Variants in SPART observed in about 807,000 individuals in gnomAD.
SPART encodes the protein spastic paraplegia 20 (Troyer syndrome).
In SPART, 35 loss-of-function variants were observed where a neutral mutation model predicts 58.7. The observed-to-expected ratio is 0.60, with a 90% CI of 0.46 to 0.79. The LOEUF (loss-of-function observed/expected upper bound fraction) is 0.79, where lower values mean the gene tolerates loss of function less well. Among genes scored for constraint, SPART ranks in the 30% least tolerant of loss-of-function variants. The probability of loss-of-function intolerance (pLI) is 0.00; values close to 1 mark genes in which losing one functional copy is unlikely to be tolerated. For synonymous variants in SPART, 284 were observed against 280.7 expected, an observed-to-expected ratio of 1.01 and a Z score of -0.12; for missense variants, 730 against 786.1, an observed-to-expected ratio of 0.93 and a Z score of 0.85.
intron 1 of SPART, among the ~76,000 whole-genome samples, chr13:36,339,614 A>G (rs899488236): frequency 1.6e-5 from 2 of 127,776 alleles, no homozygotes; most frequent in African/African-American, 5.9e-5. Context: ...CTGTTCACAG[A>G]GCACGACTCC....
chr13:36,335,068 C>G lies in SPART; in HGVS notation c.763G>C (p.Asp255His). Reference sequence around the variant, plus strand: ...TTTAGAACCGTATCGAGAGAATTATCCAAAAACCTCACAATTCGAAGGTAC... The same window carrying G: ...TTTAGAACCGTATCGAGAGAATTATGCAAAAACCTCACAATTCGAAGGTAC... Reference protein sequence around the residue: ...PGYLRIVRFLDNSLDTVLNRP... With the variant: ...PGYLRIVRFLHNSLDTVLNRP... The change falls in exon 2 of 9, where the codon GAT becomes CAT. Residue 255 changes from aspartate (D) to histidine (H), a missense_variant. Coordinates refer to ENST00000438666, the MANE Select transcript of SPART (RefSeq NM_015087.5). 1 of 1,614,076 alleles carries G rather than the reference C, an allele frequency of 6.2e-7. No homozygotes were observed. Among genetic ancestry groups the G allele is most frequent in the Non-Finnish European group, 8.5e-7 (1 of 1,179,998 alleles).
intron 1 of SPART, among the ~76,000 whole-genome samples, chr13:36,344,072 G>T (rs1232094814): frequency 1.3e-5 from 2 of 150,732 alleles, no homozygotes; most frequent in Non-Finnish European, 3.0e-5. Flanking sequence ...AAAGAAAAAT[G>T]AAAATGAAAA....
chr13:36,349,464 T>G (rs1419712607), upstream of SPART, among the ~76,000 whole-genome samples: 2 of 152,172 alleles, frequency 1.3e-5, no homozygotes, highest in Admixed American at 1.3e-4. Flanking sequence ...GGCACCATAT[T>G]GCTTTCTGTT....
At chr13:36,363,779 TTTTTTG>T (rs1301287949) in intron 1 of SPART, among the ~76,000 whole-genome samples, 3 of 151,646 alleles carry the variant, frequency 2.0e-5, no homozygotes, top group Admixed American at 6.6e-5. Context: ...GTTGTTGTTG[TTTTTTG>T]TTTTTGTTTT....
At chr13:36,344,641 C>T (rs985096211) in intron 1 of SPART, among the ~76,000 whole-genome samples, 2 of 152,064 alleles carry the variant, frequency 1.3e-5, no homozygotes, top group Non-Finnish European at 2.9e-5. Flanking sequence ...TCAGAAAATA[C>T]ATTTTACAGA....
Position 36,335,357 on chromosome 13 carries a change from A to G in SPART, c.474T>C (p.Ser158=). The G allele has an allele frequency of 6.2e-7, 1 of 1,614,154 alleles. No homozygotes were observed. Among genetic ancestry groups the G allele is most frequent in the Admixed American group, 1.7e-5 (1 of 60,000 alleles). ...PSAGAVAAPA[S]LSLPSQSCPA... ...GACAACTTTGTGATGGTAAAGACAG[A>G]GAAGCAGGTGCAGCAACTGCCCCTG... Residue 158 remains serine (S), a synonymous_variant, in exon 2 of 9, where the codon TCT becomes TCC. Transcript: ENST00000438666.
chr13:36,345,183 T>C (rs923829492), intron 1 of SPART, among the ~76,000 whole-genome samples: 1 of 152,170 alleles, frequency 6.6e-6, no homozygotes, highest in Non-Finnish European at 1.5e-5. Context: ...CTAACACCTG[T>C]ATACACCTCC....
At chr13:36,324,602 GT>G (rs1284821385) in intron 5 of SPART, among the ~76,000 whole-genome samples, 1 of 152,156 alleles carries the variant, frequency 6.6e-6, no homozygotes, top group Non-Finnish European at 1.5e-5. Flanking sequence ...AGAAACAAAT[GT>G]TTGTTGTTTT....
chr13:36,347,518 G>C (rs1056984546), upstream of SPART, among the ~76,000 whole-genome samples: 3 of 152,186 alleles, frequency 2.0e-5, no homozygotes, highest in Non-Finnish European at 2.9e-5. Flanking sequence ...TTCCCAAAGT[G>C]CTGGGATTAC....
chr13:36,368,735 G>C (rs1876962139), intron 1 of SPART, among the ~76,000 whole-genome samples: 2 of 152,172 alleles, frequency 1.3e-5, no homozygotes, highest in Non-Finnish European at 2.9e-5. Flanking sequence ...TGGGCGCAGT[G>C]GCTCACGCCT....
chr13:36,355,566 A>G (rs1309025366), intron 1 of SPART, among the ~76,000 whole-genome samples: 1 of 152,242 alleles, frequency 6.6e-6, no homozygotes, highest in Admixed American at 6.5e-5. Context: ...CTCCTACTAT[A>G]TATGTTACTT....
At chr13:36,361,104 T>C (rs1566149977) in intron 1 of SPART, among the ~76,000 whole-genome samples, 1 of 152,196 alleles carries the variant, frequency 6.6e-6, no homozygotes, top group Admixed American at 6.5e-5. Flanking sequence ...AATTTCAACA[T>C]TAATATAATG....
intron 4 of SPART, among the ~76,000 whole-genome samples, chr13:36,327,715 TGCTGGCTCA>T (rs1377377985): frequency 6.6e-6 from 1 of 152,196 alleles, no homozygotes; most frequent in Admixed American, 6.5e-5. Context: ...AGGGCAGGCA[TGCTGGCTCA>T]TGCCTGTAAT....
At chr13:36,315,558 T>G (rs1399404570) in intron 5 of SPART, among the ~76,000 whole-genome samples, 2 of 152,158 alleles carry the variant, frequency 1.3e-5, no homozygotes, top group African/African-American at 4.8e-5. Context: ...AATTAGAAAT[T>G]TTATGTTTCT....
At chr13:36,354,133 A>C (rs1405644127) in intron 1 of SPART, among the ~76,000 whole-genome samples, 2 of 152,238 alleles carry the variant, frequency 1.3e-5, no homozygotes, top group Non-Finnish European at 2.9e-5. Context: ...TCATGTTTTA[A>C]TCAGCCAATT....
upstream of SPART, among the ~76,000 whole-genome samples, chr13:36,347,730 C>T (rs377219418): frequency 3.6e-4 from 55 of 152,256 alleles, no homozygotes; most frequent in Non-Finnish European, 7.9e-4. Flanking sequence ...TTTGGATTGA[C>T]CATCACAATT....
At chr13:36,343,145 T>C (rs1884739877) in intron 1 of SPART, among the ~76,000 whole-genome samples, 1 of 152,208 alleles carries the variant, frequency 6.6e-6, no homozygotes, top group Admixed American at 6.5e-5. Context: ...TTTTAAGCTA[T>C]TCTAATCAAC....
In SPART at chr13:36,354,894, A is replaced by G. The variant is rs533649508; in HGVS notation, c.-3+15195T>C. 7.2e-5 allele frequency among the ~76,000 whole-genome samples: 11 copies of G among 152,336 alleles called. No homozygotes were observed. The South Asian group carries it at 2.3e-3, about 32-fold the overall frequency. ...AGAAAATAAATTTCAGTTTTGGCAT[A>G]CTTTTAATAATAGCTGAAGAGGAAA... On this transcript the variant is annotated intron_variant, in intron 1 of 8. Transcript: ENST00000355182.
intron 1 of SPART, among the ~76,000 whole-genome samples, chr13:36,369,838 C>T (rs1436550595): frequency 1.3e-5 from 2 of 152,108 alleles, no homozygotes; most frequent in Non-Finnish European, 2.9e-5. Context: ...AAGAGTAAAG[C>T]CATGGAGATC....
Sources: gnomAD v4.1 joint callset for allele counts (sites outside exome capture counted in the v4.1 genomes callset) on GRCh38, gnomAD v4.1.1 for gene constraint, MANE v1.5 for transcripts, NCBI Gene and HGNC (gene_info 2026-07-23, HGNC 2026-07-21) for gene names.